The following MPPED2 variants were observed in gnomAD, a reference collection of about 807,000 sequenced individuals.
MPPED2 encodes the protein metallophosphoesterase domain containing 2, also known as metallophosphoesterase MPPED2.
MPPED2 carries 5 observed loss-of-function variants against 33.0 expected under a neutral mutation model. The observed-to-expected ratio is 0.15, with a 90% CI of 0.08 to 0.32. MPPED2 has a LOEUF of 0.32. Ranked by LOEUF, MPPED2 falls within the 10% of genes least tolerant of loss-of-function variation. The pLI is 1.00. For synonymous variants in MPPED2, 136 were observed against 141.9 expected (o/e 0.96, Z 0.29); for missense variants, 275 against 372.1 (o/e 0.74, Z 2.15).
At chr11:30,498,547 C>CAA (rs3062014) in intron 3 of MPPED2, among the ~76,000 whole-genome samples, 1 of 124,348 alleles carries the variant, frequency 8.0e-6, no homozygotes, top group Non-Finnish European at 1.8e-5. Flanking sequence ...AAACTTGTCT[C>CAA]AAAAAAAAAA....
At chr11:30,409,766 C>A (rs563388672), downstream of MPPED2, among the ~76,000 whole-genome samples, 71 of 152,218 alleles carry the variant, frequency 4.7e-4, no homozygotes, top group African/African-American at 1.5e-3. Context: ...TTTTCGCCAC[C>A]CTTCTGCTAT....
intron 2 of MPPED2, among the ~76,000 whole-genome samples, chr11:30,542,957 C>T (rs953637444): frequency 1.3e-5 from 2 of 152,138 alleles, no homozygotes; most frequent in African/African-American, 4.8e-5. Context: ...CCATTAATAT[C>T]TAGAGAGACA....
intron 3 of MPPED2, among the ~76,000 whole-genome samples, chr11:30,512,934 AG>A (rs1321725699): frequency 1.3e-5 from 2 of 151,974 alleles, no homozygotes; most frequent in African/African-American, 4.8e-5. Flanking sequence ...CGGGGGGCAG[AG>A]TTGCGCTGAC....
intron 3 of MPPED2, among the ~76,000 whole-genome samples, chr11:30,526,735 C>G (rs1465750602): frequency 6.6e-6 from 1 of 150,756 alleles, no homozygotes; most frequent in African/African-American, 2.4e-5. Context: ...ACCTTTACCT[C>G]TTTATTAGAT....
At chr11:30,547,107 A>G (rs1374199205) in intron 2 of MPPED2, among the ~76,000 whole-genome samples, 2 of 152,202 alleles carry the variant, frequency 1.3e-5, no homozygotes, top group African/African-American at 4.8e-5. Flanking sequence ...TGATGGGTTG[A>G]CTTGCCCAAG....
chr11:30,391,333 T>G (rs1947772655), intron 6 of MPPED2, among the ~76,000 whole-genome samples: 1 of 152,134 alleles, frequency 6.6e-6, no homozygotes, highest in Non-Finnish European at 1.5e-5. Flanking sequence ...GCTCATACAC[T>G]CTGTACTTTG....
rs1366009559 is a variant in MPPED2 at position 30,523,436 on chromosome 11, G to C, written c.310+12558C>G. Among the ~76,000 whole-genome samples, 4 of 152,000 alleles carry C rather than the reference G, an allele frequency of 2.6e-5. 1 individual carries two copies. The East Asian group carries it at 7.7e-4, about 29-fold the overall frequency. ...CTGTTGCAGGGACTGGAAATGCATT[G>C]GGAGGCCTCCTACCTAGGGCAATGA... On this transcript the variant is annotated intron_variant, in intron 3 of 6. Transcript: ENST00000358117.
chr11:30,478,936 G>A lies in MPPED2; in HGVS notation c.536+16360C>T, dbSNP rs144129676. The stretch of plus-strand genomic sequence containing the variant: ...TTTGACAGAGAAAAAAGTTCTTGAT[G>A]CTTTAGAAGAAAGGAACAACAAGAA... On this transcript the variant is annotated intron_variant, in intron 4 of 6. Coordinates refer to ENST00000358117, the MANE Select transcript of MPPED2 (RefSeq NM_001584.3). Among the ~76,000 whole-genome samples the A allele has an allele frequency of 5.2e-3, 789 of 152,222 alleles. 5 individuals are homozygous for A. The highest frequency in any genetic ancestry group is 0.024 in the South Asian group (117 of 4,816).
At position 30,460,224 on chromosome 11, in the gene MPPED2, T is replaced by C. The variant is rs187378836; in HGVS notation, c.536+35072A>G. Among the ~76,000 whole-genome samples, 4 of 152,354 alleles carry C rather than the reference T, an allele frequency of 2.6e-5. No homozygotes were observed. The East Asian group carries it at 7.7e-4, about 29-fold the overall frequency. On this transcript the variant is annotated intron_variant, in intron 4 of 6. Transcript: ENST00000358117. ...GCATTTTGCCATAGTTTTTGCTTTTTTCTTCTTGTCTTCTTTTGATACATT... is the reference window on the plus strand; with the variant it reads ...GCATTTTGCCATAGTTTTTGCTTTTCTCTTCTTGTCTTCTTTTGATACATT...
intron 4 of MPPED2, among the ~76,000 whole-genome samples, chr11:30,432,561 T>C (rs1389051912): frequency 6.6e-6 from 1 of 152,204 alleles, no homozygotes; most frequent in Non-Finnish European, 1.5e-5. Context: ...CCCCAGAAGT[T>C]AGATTTCCTA....
chr11:30,399,066 A>G (rs939760385), intron 6 of MPPED2, among the ~76,000 whole-genome samples: 1 of 152,174 alleles, frequency 6.6e-6, no homozygotes, highest in Non-Finnish European at 1.5e-5. Flanking sequence ...AATTTCATTA[A>G]ACCAACCACC....
chr11:30,413,443 TCAAAGCCCAG>T (rs1282762247), intron 6 of MPPED2, among the ~76,000 whole-genome samples: 1 of 152,126 alleles, frequency 6.6e-6, no homozygotes, highest in Non-Finnish European at 1.5e-5. Flanking sequence ...TGTGTCTGTC[TCAAAGCCCAG>T]TTACCCATGA....
intron 3 of MPPED2, among the ~76,000 whole-genome samples, chr11:30,508,234 A>G (rs1952947689): frequency 6.6e-6 from 1 of 152,234 alleles, no homozygotes; most frequent in African/African-American, 2.4e-5. Context: ...AAATAAATAC[A>G]TAAAAAGGTG....
At chr11:30,461,065 C>A (rs893176850) in intron 4 of MPPED2, among the ~76,000 whole-genome samples, 1 of 152,152 alleles carries the variant, frequency 6.6e-6, no homozygotes, top group African/African-American at 2.4e-5. Flanking sequence ...AATTCTGACA[C>A]GTGGATGAAT....
intron 4 of MPPED2, among the ~76,000 whole-genome samples, chr11:30,447,388 A>G (rs1363934191): frequency 2.0e-5 from 3 of 152,208 alleles, no homozygotes; most frequent in Non-Finnish European, 2.9e-5. Context: ...GGCCTAATTA[A>G]TCAATCTGTC....
At chr11:30,460,959 A>T (rs944578310) in intron 4 of MPPED2, among the ~76,000 whole-genome samples, 1 of 152,346 alleles carries the variant, frequency 6.6e-6, no homozygotes, top group East Asian at 1.9e-4. Context: ...ACAATAGTCA[A>T]TAGGTGGAAG....
chr11:30,543,479 A>G (rs1435905824), intron 2 of MPPED2, among the ~76,000 whole-genome samples: 2 of 152,222 alleles, frequency 1.3e-5, no homozygotes, highest in South Asian at 2.1e-4. Context: ...TTTACACACC[A>G]CTATTTACCG....
chr11:30,578,221 C>T (rs1356624393), intron 2 of MPPED2, among the ~76,000 whole-genome samples: 1 of 152,066 alleles, frequency 6.6e-6, no homozygotes, highest in African/African-American at 2.4e-5. Flanking sequence ...ACAGTGATGG[C>T]AATGGCACCA....
chr11:30,453,053 T>C (rs963553854), intron 4 of MPPED2, among the ~76,000 whole-genome samples: 3 of 152,130 alleles, frequency 2.0e-5, no homozygotes, highest in African/African-American at 7.2e-5. Context: ...GCAGTGAGCA[T>C]TGAAGGCAAA....
Sources: allele counts gnomAD v4.1 joint callset (sites outside exome capture counted in the v4.1 genomes callset), GRCh38; gene constraint gnomAD v4.1.1; transcripts MANE v1.5; gene names NCBI Gene and HGNC (gene_info 2026-07-23, HGNC 2026-07-21).